Variants in GRM8 observed in about 807,000 individuals in gnomAD.
The protein encoded by GRM8 is glutamate metabotropic receptor 8.
GRM8 carries 47 observed loss-of-function variants against 87.2 expected under a neutral mutation model. The observed-to-expected ratio is 0.54, with a 90% CI of 0.43 to 0.69. The LOEUF (loss-of-function observed/expected upper bound fraction) is 0.69. GRM8 is among the 30% of genes least tolerant of loss of function. The probability of loss-of-function intolerance (pLI) is 0.00; values close to 1 mark genes in which losing one functional copy is unlikely to be tolerated. For synonymous variants in GRM8, 396 were observed against 404.5 expected (o/e 0.98, Z 0.25); for missense variants, 1,019 against 1,139.2 (o/e 0.89, Z 1.52).
intron 3 of GRM8, among the ~76,000 whole-genome samples, chr7:126,986,180 A>G (rs1431389866): frequency 6.6e-6 from 1 of 151,896 alleles, no homozygotes; most frequent in Non-Finnish European, 1.5e-5. Flanking sequence ...CCCCTGACTA[A>G]TTTTTTTAAA....
chr7:126,607,787 C>T (rs886639348), intron 8 of GRM8, among the ~76,000 whole-genome samples: 4 of 151,736 alleles, frequency 2.6e-5, no homozygotes, highest in Non-Finnish European at 5.9e-5. Context: ...CATGCTAGTG[C>T]GCTGCACCCA....
chr7:126,586,882 A>G (rs1246829824), intron 8 of GRM8, among the ~76,000 whole-genome samples: 1 of 152,186 alleles, frequency 6.6e-6, no homozygotes, highest in African/African-American at 2.4e-5. Flanking sequence ...CTACCATCAG[A>G]GTGAACAGGC....
intron 9 of GRM8, among the ~76,000 whole-genome samples, chr7:126,515,293 C>T (rs1219140567): frequency 6.6e-6 from 1 of 152,012 alleles, no homozygotes; most frequent in East Asian, 1.9e-4. Context: ...TCAAATTGTA[C>T]ATTCATATCC....
At chr7:126,503,110 G>A (rs906603425) in intron 9 of GRM8, among the ~76,000 whole-genome samples, 1 of 152,098 alleles carries the variant, frequency 6.6e-6, no homozygotes, top group Admixed American at 6.6e-5. Flanking sequence ...TAGAGTCACT[G>A]AAACAGGAGG....
At chr7:126,507,201 A>G (rs1484641801) in intron 9 of GRM8, among the ~76,000 whole-genome samples, 1 of 152,118 alleles carries the variant, frequency 6.6e-6, no homozygotes, top group East Asian at 1.9e-4. Context: ...TTCCGCAAGT[A>G]ATTTTCTTGT....
chr7:126,450,277 T>C (rs948837014), intron 9 of GRM8, among the ~76,000 whole-genome samples: 1 of 151,814 alleles, frequency 6.6e-6, no homozygotes, highest in South Asian at 2.1e-4. Flanking sequence ...CCTGGTATTT[T>C]TGCAACCCCT....
At chr7:127,026,251 T>A (rs1208006640) in intron 3 of GRM8, among the ~76,000 whole-genome samples, 4 of 152,190 alleles carry the variant, frequency 2.6e-5, no homozygotes, top group African/African-American at 9.6e-5. Flanking sequence ...TCTATCATTG[T>A]TGGACATTTG....
intron 7 of GRM8, among the ~76,000 whole-genome samples, chr7:126,622,822 C>G (rs1800310475): frequency 1.3e-5 from 2 of 152,136 alleles, no homozygotes; most frequent in African/African-American, 4.8e-5. Context: ...TTCATTTTCT[C>G]CACTTTCTTA....
intron 3 of GRM8, among the ~76,000 whole-genome samples, chr7:127,088,590 G>A (rs1285478108): frequency 6.6e-6 from 1 of 152,210 alleles, no homozygotes; most frequent in African/African-American, 2.4e-5. Flanking sequence ...CCTGGGCACT[G>A]ATGAATAAGA....
chr7:126,494,821 C>T (rs750813759), intron 9 of GRM8, among the ~76,000 whole-genome samples: 13 of 151,978 alleles, frequency 8.6e-5, no homozygotes, highest in Non-Finnish European at 1.6e-4. Flanking sequence ...TTACTAAAAT[C>T]ACAAAATACA....
chr7:126,857,721 C>T (rs143709095), intron 6 of GRM8, among the ~76,000 whole-genome samples: 4 of 152,278 alleles, frequency 2.6e-5, no homozygotes, highest in African/African-American at 9.6e-5. Flanking sequence ...CTGCACAGTT[C>T]CTCTGCACTT....
chr7:126,828,406 T>C (rs187692192), intron 6 of GRM8, among the ~76,000 whole-genome samples: 215 of 152,310 alleles, frequency 1.4e-3, no homozygotes, highest in Admixed American at 6.5e-3. Flanking sequence ...TATTGGTCTA[T>C]TCAGAGATTC....
intron 3 of GRM8, among the ~76,000 whole-genome samples, chr7:127,073,109 C>T (rs958109563): frequency 6.6e-6 from 1 of 152,114 alleles, no homozygotes; most frequent in Non-Finnish European, 1.5e-5. Flanking sequence ...CCTTCCTCTG[C>T]CCAGAAGGCA....
At chr7:126,962,481 A>T (rs1809420239) in intron 3 of GRM8, among the ~76,000 whole-genome samples, 1 of 152,252 alleles carries the variant, frequency 6.6e-6, no homozygotes, top group Admixed American at 6.5e-5. Context: ...TTCAACAAAA[A>T]ACAAACACTA....
chr7:126,453,433 G>A (rs1171871692), intron 9 of GRM8, among the ~76,000 whole-genome samples: 1 of 151,748 alleles, frequency 6.6e-6, no homozygotes, highest in Non-Finnish European at 1.5e-5. Flanking sequence ...AAAGAATTGT[G>A]AAGGAAGACT....
chr7:126,841,283 TG>T (rs996751930), intron 6 of GRM8, among the ~76,000 whole-genome samples: 6 of 152,212 alleles, frequency 3.9e-5, no homozygotes, highest in African/African-American at 1.4e-4. Flanking sequence ...GGAGGTATTC[TG>T]CTGGTGGTTT....
intron 2 of GRM8, among the ~76,000 whole-genome samples, chr7:127,155,852 G>A (rs1226116672): frequency 2.0e-5 from 3 of 152,068 alleles, no homozygotes; most frequent in Non-Finnish European, 1.5e-5. Flanking sequence ...TGTCTCTAGG[G>A]ACCTGTGCTC....
intron 8 of GRM8, among the ~76,000 whole-genome samples, chr7:126,567,228 T>C (rs1794295443): frequency 6.6e-6 from 1 of 152,076 alleles, no homozygotes; most frequent in South Asian, 2.1e-4. Context: ...GTTAAGGGGA[T>C]AAAAAATGAT....
At chr7:126,983,046 C>T (rs1811694970) in intron 3 of GRM8, among the ~76,000 whole-genome samples, 1 of 152,052 alleles carries the variant, frequency 6.6e-6, no homozygotes, top group Non-Finnish European at 1.5e-5. Context: ...GGTCAATCAC[C>T]CCAGACAGCA....
Sources: gnomAD v4.1 joint callset for allele counts (sites outside exome capture counted in the v4.1 genomes callset) on GRCh38, gnomAD v4.1.1 for gene constraint, MANE v1.5 for transcripts, NCBI Gene and HGNC (gene_info 2026-07-23, HGNC 2026-07-21) for gene names.